Variants in USP7 observed in about 807,000 individuals in gnomAD.
USP7 encodes ubiquitin C-terminal hydrolase 7.
USP7 carries 9 observed loss-of-function variants against 162.9 expected under a neutral mutation model. The ratio of observed to expected loss-of-function variants is 0.06; its 90% confidence interval spans 0.03 to 0.10. The LOEUF is 0.10. Among genes scored for constraint, USP7 ranks in the 10% least tolerant of loss-of-function variants. The pLI is 1.00. For synonymous variants in USP7, 562 were observed against 475.9 expected, an observed-to-expected ratio of 1.18 and a Z score of -2.35; for missense variants, 715 against 1,373.7, an observed-to-expected ratio of 0.52 and a Z score of 7.58.
intron 4 of USP7, among the ~76,000 whole-genome samples, 182 bp downstream of exon 4, chr16:8,920,975 C>A (rs1453519218): frequency 6.6e-6 from 1 of 152,166 alleles, no homozygotes; most frequent in African/African-American, 2.4e-5. Flanking sequence ...AGACGTGAAT[C>A]CAGAAAGCTG....
At chr16:8,906,376 G>C (rs2061860933) in intron 13 of USP7, 50 bp downstream of exon 13, 3 of 1,587,418 alleles carry the variant, frequency 1.9e-6, no homozygotes, top group Middle Eastern at 2.3e-4. Context: ...AGCAGAGCTT[G>C]TGTTAACTTT....
At chr16:8,903,424 C>G (rs1261653458) in intron 15 of USP7, 22 bp from the exon 16 acceptor site, 3 of 1,607,676 alleles carry the variant, frequency 1.9e-6, no homozygotes, top group Non-Finnish European at 1.7e-6. Flanking sequence ...TATGAAAGCA[C>G]AGAAAAGACT....
At chr16:8,957,243 C>T (rs1354261314) in intron 1 of USP7, among the ~76,000 whole-genome samples, 2 of 152,236 alleles carry the variant, frequency 1.3e-5, no homozygotes, top group African/African-American at 4.8e-5. Context: ...CTTGCCTACG[C>T]ATGACACTTA....
intron 1 of USP7, among the ~76,000 whole-genome samples, chr16:8,956,881 C>G (rs564113551): frequency 6.6e-6 from 1 of 152,166 alleles, no homozygotes; most frequent in Non-Finnish European, 1.5e-5. Flanking sequence ...GGACTCCCAG[C>G]GCAGCCTCAG....
intron 2 of USP7, among the ~76,000 whole-genome samples, chr16:8,929,057 G>A (rs1323935772): frequency 6.8e-6 from 1 of 147,808 alleles, no homozygotes; most frequent in Non-Finnish European, 1.5e-5. Flanking sequence ...AAAAAAAAAA[G>A]AAAAAAACAG....
At chr16:8,933,322 C>T (rs762591755) in intron 1 of USP7, among the ~76,000 whole-genome samples, 33 of 151,840 alleles carry the variant, frequency 2.2e-4, no homozygotes, top group Middle Eastern at 3.2e-3. Flanking sequence ...CAAGACGGGA[C>T]GATCACATAA....
At chr16:8,907,011 T>C (rs1223364408) in intron 12 of USP7, among the ~76,000 whole-genome samples, 1 of 152,208 alleles carries the variant, frequency 6.6e-6, no homozygotes, top group African/African-American at 2.4e-5. Context: ...CTTGACCAAA[T>C]TTCACCATCA....
At chr16:8,905,955 T>A (rs2061853162) in intron 13 of USP7, among the ~76,000 whole-genome samples, 2 of 152,194 alleles carry the variant, frequency 1.3e-5, no homozygotes, top group Non-Finnish European at 2.9e-5. Flanking sequence ...GCTGGCCCTG[T>A]GGTCTTGGGG....
intron 12 of USP7, 85 bp downstream of exon 12, chr16:8,908,256 T>C: frequency 9.0e-7 from 1 of 1,112,510 alleles, no homozygotes; most frequent in Non-Finnish European, 1.4e-6. Flanking sequence ...GGACTGAAAA[T>C]ATAAAGACTG....
At chr16:8,919,161 G>A in intron 5 of USP7, 22 bp from the exon 6 acceptor site, 2 of 1,612,546 alleles carry the variant, frequency 1.2e-6, no homozygotes, top group South Asian at 1.1e-5. Flanking sequence ...GTTCAAGGTT[G>A]AGGGGATCTT....
chr16:8,961,476 G>A (rs1235486690), intron 1 of USP7, among the ~76,000 whole-genome samples: 1 of 104,796 alleles, frequency 9.5e-6, no homozygotes, highest in Admixed American at 1.4e-4. Flanking sequence ...TGGGCAACAA[G>A]AGCAAAAATC....
rs1596372501 is a variant in USP7, at chr16:8,915,360, G to A, written c.988-16C>T. 6.2e-7 allele frequency: 1 copy of A among 1,613,156 alleles called. No homozygotes were observed. The highest frequency in any genetic ancestry group is 2.2e-5 in the East Asian group (1 of 44,850). On this transcript the variant is annotated splice_polypyrimidine_tract_variant and intron_variant, in intron 9 of 30. Transcript: ENST00000344836. ...GGATATAGGACTGCAAATAAGGAAA[G>A]TAAAAGTGGTTTAACTAGTAATAGT...
intron 1 of USP7, among the ~76,000 whole-genome samples, chr16:8,961,516 G>GGGGAA (rs1555472816): frequency 1.0e-5 from 1 of 98,100 alleles, no homozygotes; most frequent in African/African-American, 3.4e-5. Context: ...GGGGGGGGGG[G>GGGGAA]CAAATACCTT....
intron 10 of USP7, among the ~76,000 whole-genome samples, chr16:8,912,013 C>T (rs571275520): frequency 1.3e-5 from 2 of 152,294 alleles, no homozygotes; most frequent in South Asian, 2.1e-4. Flanking sequence ...TGTTCTCCCA[C>T]CTAGCAAGGC....
intron 11 of USP7, 78 bp from the exon 12 acceptor site, chr16:8,908,528 C>T: frequency 7.9e-7 from 1 of 1,266,068 alleles, no homozygotes; most frequent in Non-Finnish European, 1.1e-6. Flanking sequence ...AGCGGTTCAG[C>T]AAGATTGGAA....
intron 1 of USP7, among the ~76,000 whole-genome samples, chr16:8,961,877 T>C (rs1041636835): frequency 5.3e-5 from 8 of 152,198 alleles, no homozygotes; most frequent in East Asian, 1.9e-4. Context: ...GTGAAACAGA[T>C]AACCCAGTCC....
At chr16:8,957,071 A>G (rs990497589) in intron 1 of USP7, among the ~76,000 whole-genome samples, 2 of 152,212 alleles carry the variant, frequency 1.3e-5, no homozygotes, top group African/African-American at 4.8e-5. Flanking sequence ...GTATTTCCCC[A>G]TACAAGAAAC....
rs1034267443 is a variant in USP7 at position 8,921,148 on chromosome 16, G to C, written c.522+9C>G. The stretch of plus-strand genomic sequence containing the variant: ...ACCAATTGTTCAGACTAAATACACT[G>C]TTACTTACACTCCAGGCCATAAAAT... On this transcript the variant is annotated intron_variant, in intron 4 of 30. Coordinates refer to ENST00000344836, the MANE Select transcript of USP7 (RefSeq NM_003470.3). 3 of 1,613,184 alleles carry C rather than the reference G, an allele frequency of 1.9e-6. No individual in the cohort carries two copies. Among genetic ancestry groups the C allele is most frequent in the Non-Finnish European group, 2.5e-6 (3 of 1,179,954 alleles).
intron 12 of USP7, among the ~76,000 whole-genome samples, chr16:8,907,743 G>A (rs940990017): frequency 6.6e-6 from 1 of 152,180 alleles, no homozygotes; most frequent in African/African-American, 2.4e-5. Context: ...GAGCCCAGCA[G>A]TTCAAGGCTG....
Sources: allele counts gnomAD v4.1 joint callset (sites outside exome capture counted in the v4.1 genomes callset), GRCh38; gene constraint gnomAD v4.1.1; transcripts MANE v1.5; gene names NCBI Gene and HGNC (gene_info 2026-07-23, HGNC 2026-07-21).